Variants in HEATR5B observed in about 807,000 individuals in gnomAD.
The protein encoded by HEATR5B is HEAT repeat-containing protein 5B.
A neutral mutation model predicts 224.1 loss-of-function variants in HEATR5B; 156 were observed. That is an observed-to-expected ratio of 0.70 (90% CI 0.61 to 0.80). The LOEUF is 0.80. Ranked by LOEUF, HEATR5B falls within the 30% of genes least tolerant of loss-of-function variation. The pLI is 0.00. For synonymous variants in HEATR5B, 1,027 were observed against 893.0 expected (o/e 1.15, Z -2.68); for missense variants, 2,323 against 2,535.5 (o/e 0.92, Z 1.80).
chr2:37,000,174 T>C (rs1173724975), intron 33 of HEATR5B, among the ~76,000 whole-genome samples: 3 of 151,284 alleles, frequency 2.0e-5, no homozygotes, highest in Admixed American at 1.3e-4. Context: ...ACCTCCCGGG[T>C]TCAAGCAATT....
intron 18 of HEATR5B, among the ~76,000 whole-genome samples, chr2:37,043,012 T>C (rs961783493): frequency 2.6e-5 from 4 of 151,848 alleles, no homozygotes; most frequent in African/African-American, 4.8e-5. Flanking sequence ...CTGAAGAGTA[T>C]TGATGATTAA....
At chr2:37,017,687 C>CAAAA (rs1056240189) in intron 26 of HEATR5B, among the ~76,000 whole-genome samples, 55 of 61,596 alleles carry the variant, frequency 8.9e-4, no homozygotes, top group Middle Eastern at 0.013. Context: ...AATTCCGTCT[C>CAAAA]AAAAAAAAAA....
chr2:37,041,421 T>C, intron 18 of HEATR5B, 129 bp from the exon 19 acceptor site: 2 of 802,116 alleles, frequency 2.5e-6, no homozygotes, highest in East Asian at 2.7e-5. Flanking sequence ...TACTTCTTTC[T>C]CCACTCCCTA....
chr2:37,013,819 TAG>T lies in HEATR5B; in HGVS notation c.4284+20_4284+21del. The T allele has an allele frequency of 6.6e-7, 1 of 1,518,060 alleles. No individual in the cohort carries two copies. The highest frequency in any genetic ancestry group is 8.9e-7 in the Non-Finnish European group (1 of 1,127,254). 94.0% of individuals were successfully genotyped at this position (1,518,060 alleles called of 1,614,324 possible). On this transcript the variant is annotated intron_variant, in intron 27 of 35. Transcript: ENST00000233099. ...GGATGAAGAAATGGGTCAAAAACAA[TAG>T]ATTGTGGTTTAGTCGTTACCTCTGC...
At position 37,068,734 on chromosome 2, in the gene HEATR5B, A is replaced by T; in HGVS notation, c.1124T>A (p.Ile375Asn). The change falls in exon 8 of 36, where the codon ATT (isoleucine) becomes AAT (asparagine). Residue 375 changes from isoleucine (I) to asparagine (N), a missense_variant. This residue lies in a region of HEATR5B where 502 missense variants were observed against 517.8 expected (regional missense o/e 0.97). Transcript: ENST00000233099. ...VGSLLGEKAQ[I>N]AAAKEICQAI... ...TTGGCAGATTTCTTTGGCAGCTGCA[A>T]TCTGGGCTTTTTCACCTAGCAAACT... is the stretch of plus-strand genomic sequence containing the variant. 6.2e-7 allele frequency: 1 copy of T among 1,614,178 alleles called. No individual in the cohort carries two copies. The highest frequency in any genetic ancestry group is 8.5e-7 in the Non-Finnish European group (1 of 1,180,020).
At chr2:37,006,621 A>G (rs1667436421) in intron 29 of HEATR5B, among the ~76,000 whole-genome samples, 1 of 152,266 alleles carries the variant, frequency 6.6e-6, no homozygotes, top group African/African-American at 2.4e-5. Context: ...AGCCTGGGCA[A>G]CAAGAGTGAA....
chr2:37,026,359 C>T (rs1425905689), intron 24 of HEATR5B, among the ~76,000 whole-genome samples: 1 of 152,194 alleles, frequency 6.6e-6, no homozygotes, highest in African/African-American at 2.4e-5. Context: ...AGATGATAAA[C>T]TTGTGTGATT....
intron 35 of HEATR5B, among the ~76,000 whole-genome samples, chr2:36,984,110 GA>G (rs1220015709): frequency 2.0e-5 from 3 of 147,102 alleles, no homozygotes; most frequent in Non-Finnish European, 4.5e-5. Flanking sequence ...TGAGGCAGGA[GA>G]ATCACTTGAA....
chr2:36,992,306 C>CT (rs1204167539), intron 33 of HEATR5B, among the ~76,000 whole-genome samples: 1 of 152,064 alleles, frequency 6.6e-6, no homozygotes, highest in African/African-American at 2.4e-5. Flanking sequence ...CCCACCCAGA[C>CT]TAGGCAGCTC....
chr2:36,985,231 T>C (rs903029595), intron 35 of HEATR5B, among the ~76,000 whole-genome samples: 9 of 152,196 alleles, frequency 5.9e-5, no homozygotes, highest in African/African-American at 2.2e-4. Flanking sequence ...CATTCATTCA[T>C]TTATTTGATG....
At chr2:37,079,071 T>A in intron 3 of HEATR5B, 49 bp downstream of exon 3, 2 of 1,227,906 alleles carry the variant, frequency 1.6e-6, no homozygotes, top group Non-Finnish European at 2.3e-6. Flanking sequence ...TAAGTTTCCT[T>A]GAAAGAAAAA....
chr2:37,040,235 CA>C, intron 20 of HEATR5B, 93 bp downstream of exon 20: 1 of 1,035,030 alleles, frequency 9.7e-7, no homozygotes, highest in Non-Finnish European at 1.5e-6. Flanking sequence ...ATTGTTATTA[CA>C]AAATTTCTTC....
chr2:37,056,134 T>G (rs1315140950), intron 16 of HEATR5B, among the ~76,000 whole-genome samples: 1 of 152,202 alleles, frequency 6.6e-6, no homozygotes, highest in Non-Finnish European at 1.5e-5. Context: ...GCATTTTTTT[T>G]TTTGCCAACA....
intron 2 of HEATR5B, among the ~76,000 whole-genome samples, chr2:37,080,237 T>C (rs1324208587): frequency 6.6e-6 from 1 of 152,202 alleles, no homozygotes; most frequent in African/African-American, 2.4e-5. Flanking sequence ...TATAGAACTC[T>C]GTATGTCACT....
chr2:37,070,359 T>C lies in HEATR5B; in HGVS notation c.798A>G (p.Thr266=), dbSNP rs373643402. ...CCATGAGTTCTAAGACTTCATCAAA[T>C]GTTGCTCGCTTCACATTCTGACGCA... ...TVMRQNVKRA[T]FDEVLELMAT... The change falls in exon 7 of 36, where the codon ACA becomes ACG. Residue 266 remains threonine, a synonymous_variant. Transcript: ENST00000233099. 10 of 1,614,024 alleles carry C rather than the reference T, an allele frequency of 6.2e-6. No individual in the cohort carries two copies. Among genetic ancestry groups the C allele is most frequent in the Non-Finnish European group, 8.5e-6 (10 of 1,179,920 alleles).
chr2:36,986,742 G>A lies in HEATR5B; in HGVS notation c.5911+1904C>T, dbSNP rs150151578. On this transcript the variant is annotated intron_variant, in intron 35 of 35. Transcript: ENST00000233099. ...AAGCAATTCTCCCGTCCAGTCTCCC[G>A]AGTAGCTGGGATTACAGGCGCATAC... 2.1e-3 allele frequency among the ~76,000 whole-genome samples: 315 copies of A among 152,116 alleles called. 8 individuals are homozygous for A. The East Asian group carries it at 0.026, about 13-fold the overall frequency.
At chr2:37,066,259 T>A in intron 8 of HEATR5B, among the ~76,000 whole-genome samples, 1 of 152,210 alleles carries the variant, frequency 6.6e-6, no homozygotes, top group Non-Finnish European at 1.5e-5. Flanking sequence ...TTATGTGACA[T>A]TGAGCAAGAT....
chr2:37,068,580 C>T, intron 8 of HEATR5B, 101 bp downstream of exon 8: 2 of 1,261,222 alleles, frequency 1.6e-6, no homozygotes, highest in South Asian at 1.5e-5. Context: ...TGAAAACACA[C>T]AGAAAGATAA....
chr2:37,038,033 A>C lies in HEATR5B; in HGVS notation c.3047-9T>G, dbSNP rs1352831403. 1 of 1,459,100 alleles carries C rather than the reference A, an allele frequency of 6.9e-7. No homozygotes were observed. The highest frequency in any genetic ancestry group is 9.1e-7 in the Non-Finnish European group (1 of 1,094,094). The allele number at this position is 1,459,100 out of a possible 1,614,324, so 90.4% of individuals were successfully genotyped here. On this transcript the variant is annotated splice_polypyrimidine_tract_variant and intron_variant, in intron 20 of 35. Transcript: ENST00000233099. ...AGTTGTTGCTCCATTCCCTGGTGCA[A>C]AATGAAAGAAAATATAAAATATAAT... is the stretch of plus-strand genomic sequence containing the variant.
Sources: allele counts gnomAD v4.1 joint callset (sites outside exome capture counted in the v4.1 genomes callset), GRCh38; gene constraint gnomAD v4.1.1; regional missense constraint gnomAD v4.1.1; transcripts MANE v1.5; gene names NCBI Gene and HGNC (gene_info 2026-07-23, HGNC 2026-07-21).